LMX1A: variants seen among roughly 807,000 people sequenced by gnomAD.
The protein encoded by LMX1A is LIM homeobox transcription factor 1 alpha.
Under a neutral mutation model 49.1 loss-of-function variants are expected in LMX1A, and 15 were observed. That is an observed-to-expected ratio of 0.31 (90% CI 0.20 to 0.47). LMX1A has a LOEUF of 0.47. Ranked by LOEUF, LMX1A falls within the 20% of genes least tolerant of loss-of-function variation. The pLI is 1.00. For missense variants in LMX1A, 372 were observed against 475.8 expected, an observed-to-expected ratio of 0.78 and a Z score of 2.03; for synonymous variants, 167 against 185.7, an observed-to-expected ratio of 0.90 and a Z score of 0.82.
intron 3 of LMX1A, among the ~76,000 whole-genome samples, chr1:165,342,411 A>G (rs991466007): frequency 6.6e-6 from 1 of 152,324 alleles, no homozygotes; most frequent in African/African-American, 2.4e-5. Flanking sequence ...ATGTGCAGAC[A>G]AGCTCCCAGG....
At chr1:165,279,985 C>A (rs932603950) in intron 3 of LMX1A, among the ~76,000 whole-genome samples, 1 of 151,980 alleles carries the variant, frequency 6.6e-6, no homozygotes, top group Non-Finnish European at 1.5e-5. Flanking sequence ...TACCAGAGAG[C>A]CTGCAGCCCT....
At chr1:165,204,187 G>T in intron 8 of LMX1A, 147 bp from the exon 9 acceptor site, 1 of 779,374 alleles carries the variant, frequency 1.3e-6, no homozygotes, top group Non-Finnish European at 2.0e-6. Context: ...TCTTTAGGGG[G>T]CTCAAGTCCA....
intron 3 of LMX1A, among the ~76,000 whole-genome samples, chr1:165,322,587 T>C (rs548547825): frequency 6.6e-6 from 1 of 152,180 alleles, no homozygotes; most frequent in Non-Finnish European, 1.5e-5. Flanking sequence ...AAAGGCCACA[T>C]ACTGTATGAT....
intron 4 of LMX1A, among the ~76,000 whole-genome samples, chr1:165,247,288 G>A (rs928015484): frequency 6.6e-6 from 1 of 151,936 alleles, no homozygotes; most frequent in Non-Finnish European, 1.5e-5. Context: ...ATCTTTCTAT[G>A]ATGATGCTGT....
At chr1:165,242,764 G>C (rs1652700333) in intron 4 of LMX1A, among the ~76,000 whole-genome samples, 1 of 151,130 alleles carries the variant, frequency 6.6e-6, no homozygotes, top group African/African-American at 2.4e-5. Context: ...GGTGACTTCT[G>C]ATTTTAAAAG....
intron 3 of LMX1A, among the ~76,000 whole-genome samples, chr1:165,261,245 T>TA: frequency 6.6e-6 from 1 of 152,222 alleles, no homozygotes; most frequent in Non-Finnish European, 1.5e-5. Flanking sequence ...TCTTGATTTT[T>TA]AAAAATATTT....
chr1:165,335,889 C>T (rs991005901), intron 3 of LMX1A, among the ~76,000 whole-genome samples: 7 of 151,520 alleles, frequency 4.6e-5, no homozygotes, highest in South Asian at 2.1e-4. Context: ...GTATATCCAC[C>T]GAGAATTCTT....
At chr1:165,225,842 C>T (rs181762290) in intron 4 of LMX1A, among the ~76,000 whole-genome samples, 68 of 152,348 alleles carry the variant, frequency 4.5e-4, no homozygotes, top group African/African-American at 1.5e-3. Context: ...TTTCCCCACC[C>T]CTACACTCCC....
chr1:165,244,556 T>C (rs1652773069), intron 4 of LMX1A, among the ~76,000 whole-genome samples: 1 of 152,144 alleles, frequency 6.6e-6, no homozygotes, highest in South Asian at 2.1e-4. Context: ...GCTTGGTATG[T>C]GGGGAAAACC....
rs755328525 is a variant in LMX1A at position 165,355,491 on chromosome 1, C to A, written c.69G>T (p.Ser23=). The change falls in exon 2 of 9, where the codon TCG becomes TCT. Residue 23 remains serine, a synonymous_variant. Coordinates refer to ENST00000342310, the MANE Select transcript of LMX1A (RefSeq NM_177398.4). The surrounding 1 kb of genome is among the most constrained non-coding windows in gnomAD (Gnocchi z 4.7). ...SAIDTSASFS[S]LLGRAVSPKS... ...CACGGCCTGAACACTCACCCAGCAG[C>A]GAGGAGAAGGAGGCCGAGGTGTCGA... 6.2e-7 allele frequency: 1 copy of A among 1,613,930 alleles called. No homozygotes were observed. Among genetic ancestry groups the A allele is most frequent in the Non-Finnish European group, 8.5e-7 (1 of 1,179,952 alleles).
chr1:165,340,869 C>T (rs1656053070), intron 3 of LMX1A, among the ~76,000 whole-genome samples: 2 of 152,162 alleles, frequency 1.3e-5, no homozygotes. Flanking sequence ...CACCCCTTTC[C>T]TCAGTCAAAA....
chr1:165,318,983 C>CCTCT (rs137990365), intron 3 of LMX1A, among the ~76,000 whole-genome samples: 5,948 of 135,704 alleles, frequency 0.044, 178 homozygotes, highest in South Asian at 0.097. Context: ...GCTGAGATCT[C>CCTCT]CTCTCTCTCT....
chr1:165,347,195 G>C (rs1442382783), intron 3 of LMX1A, among the ~76,000 whole-genome samples: 1 of 151,966 alleles, frequency 6.6e-6, no homozygotes, highest in Non-Finnish European at 1.5e-5. Context: ...GGCACAAAGG[G>C]GAAAAAAGGC....
chr1:165,230,501 T>C (rs1162258284), intron 4 of LMX1A, among the ~76,000 whole-genome samples: 1 of 152,182 alleles, frequency 6.6e-6, no homozygotes, highest in Non-Finnish European at 1.5e-5. Flanking sequence ...GGAACATCCC[T>C]ACATATTAGA....
chr1:165,288,867 G>A (rs1199826151), intron 3 of LMX1A, among the ~76,000 whole-genome samples: 1 of 152,192 alleles, frequency 6.6e-6, no homozygotes, highest in African/African-American at 2.4e-5. Flanking sequence ...TGCATTTGAA[G>A]CAAACAGTCT....
intron 4 of LMX1A, among the ~76,000 whole-genome samples, chr1:165,233,327 C>T (rs1380989245): frequency 4.6e-5 from 7 of 152,168 alleles, no homozygotes; most frequent in Non-Finnish European, 8.8e-5. Flanking sequence ...TGGTGGTACA[C>T]ACCTGTGGTC....
chr1:165,258,455 A>C (rs1384524827), intron 3 of LMX1A, among the ~76,000 whole-genome samples: 1 of 152,170 alleles, frequency 6.6e-6, no homozygotes, highest in Non-Finnish European at 1.5e-5. Context: ...TGGACAATAG[A>C]GTGGCAGGAT....
At chr1:165,303,665 C>T (rs1216800904) in intron 3 of LMX1A, among the ~76,000 whole-genome samples, 2 of 152,116 alleles carry the variant, frequency 1.3e-5, no homozygotes, top group Non-Finnish European at 2.9e-5. Flanking sequence ...CCTCTGGGTC[C>T]CAGGGACGCA....
intron 4 of LMX1A, among the ~76,000 whole-genome samples, chr1:165,224,648 A>C (rs1481145061): frequency 6.6e-6 from 1 of 152,130 alleles, no homozygotes; most frequent in Non-Finnish European, 1.5e-5. Context: ...CAGGAGATTA[A>C]TAATTAGCTG....
Sources: allele counts gnomAD v4.1 joint callset (sites outside exome capture counted in the v4.1 genomes callset), GRCh38; gene constraint gnomAD v4.1.1; non-coding constraint Gnocchi (gnomAD v3.1); transcripts MANE v1.5; gene names NCBI Gene and HGNC (gene_info 2026-07-23, HGNC 2026-07-21).